THSD4: variants seen among roughly 807,000 people sequenced by gnomAD.
THSD4 encodes the protein thrombospondin type 1 domain containing 4, also known as thrombospondin type-1 domain-containing protein 4.
A neutral mutation model predicts 119.0 loss-of-function variants in THSD4; 69 were observed. That is an observed-to-expected ratio of 0.58 (90% CI 0.48 to 0.71). The LOEUF (loss-of-function observed/expected upper bound fraction) is 0.71, where lower values mean the gene tolerates loss of function less well. Among genes scored for constraint, THSD4 ranks in the 30% least tolerant of loss-of-function variants. The pLI, the probability that THSD4 is intolerant of heterozygous loss-of-function variation, is 0.00. For synonymous variants in THSD4, 524 were observed against 540.4 expected, an observed-to-expected ratio of 0.97 and a Z score of 0.42; for missense variants, 1,393 against 1,391.1, an observed-to-expected ratio of 1.00 and a Z score of -0.02.
intron 1 of THSD4, among the ~76,000 whole-genome samples, chr15:71,138,246 C>T (rs1338517866): frequency 3.3e-5 from 5 of 152,148 alleles, no homozygotes; most frequent in Non-Finnish European, 7.3e-5. Flanking sequence ...CAAGCAAGAG[C>T]AGGGAAAGCT....
chr15:71,675,638 G>T (rs892780018), intron 8 of THSD4, among the ~76,000 whole-genome samples: 1 of 152,142 alleles, frequency 6.6e-6, no homozygotes, highest in East Asian at 1.9e-4. Context: ...CTCACTAGAT[G>T]CTTGGAATCC....
chr15:71,522,241 G>A lies in THSD4; in HGVS notation c.1152+110418G>A, dbSNP rs557913553. On this transcript the variant is annotated intron_variant, in intron 7 of 17. Coordinates refer to ENST00000261862, the MANE Select transcript of THSD4 (RefSeq NM_024817.3). The stretch of plus-strand genomic sequence containing the variant: ...TTTCTTCTGTCTAAAATAAAACCCT[G>A]CTCATTATCTGTGTACTTTATTTAC... Among the ~76,000 whole-genome samples the A allele has an allele frequency of 2.5e-4, 38 of 152,108 alleles. No individual in the cohort carries two copies. In the South Asian group the frequency reaches 5.8e-3, roughly 23 times the overall value.
chr15:71,564,220 C>A (rs2049180043), intron 7 of THSD4, among the ~76,000 whole-genome samples: 1 of 152,130 alleles, frequency 6.6e-6, no homozygotes, highest in African/African-American at 2.4e-5. Context: ...ATACCAGAAA[C>A]TGAAGATTCA....
intron 3 of THSD4, among the ~76,000 whole-genome samples, chr15:71,192,370 C>T (rs1208160928): frequency 1.3e-5 from 2 of 152,136 alleles, no homozygotes; most frequent in Admixed American, 6.5e-5. Flanking sequence ...GCAGCCTCCA[C>T]CTCCCAGGTT....
chr15:71,366,948 A>G (rs1273354547), intron 6 of THSD4, among the ~76,000 whole-genome samples: 2 of 152,190 alleles, frequency 1.3e-5, no homozygotes, highest in South Asian at 2.1e-4. Flanking sequence ...GCAGAGGGAA[A>G]TGCCAGCACA....
chr15:71,773,298 A>G (rs942141984), intron 17 of THSD4, among the ~76,000 whole-genome samples: 4 of 152,176 alleles, frequency 2.6e-5, no homozygotes, highest in Admixed American at 6.5e-5. Flanking sequence ...ACTAAAGACA[A>G]TCAAAATCAC....
intron 15 of THSD4, among the ~76,000 whole-genome samples, chr15:71,763,183 C>T (rs374813372): frequency 6.6e-6 from 1 of 151,996 alleles, no homozygotes; most frequent in African/African-American, 2.4e-5. Flanking sequence ...TATTTCATGC[C>T]CTGTGTGACT....
intron 7 of THSD4, among the ~76,000 whole-genome samples, chr15:71,609,921 A>G (rs896660296): frequency 5.9e-5 from 9 of 152,120 alleles, no homozygotes; most frequent in African/African-American, 1.9e-4. Flanking sequence ...AGGGCTTCCT[A>G]TATCCCAGGC....
intron 6 of THSD4, among the ~76,000 whole-genome samples, chr15:71,386,669 T>G (rs371961376): frequency 6.6e-6 from 1 of 152,190 alleles, no homozygotes; most frequent in African/African-American, 2.4e-5. Flanking sequence ...GTTTGACAGG[T>G]GGACTCAGCT....
intron 4 of THSD4, among the ~76,000 whole-genome samples, chr15:71,220,819 G>A (rs1180339236): frequency 6.6e-6 from 1 of 152,182 alleles, no homozygotes; most frequent in African/African-American, 2.4e-5. Context: ...GTGCAGCCAA[G>A]ACCCTAGTGT....
At chr15:71,602,275 C>T (rs1023227981) in intron 7 of THSD4, among the ~76,000 whole-genome samples, 3 of 151,938 alleles carry the variant, frequency 2.0e-5, no homozygotes, top group African/African-American at 4.8e-5. Flanking sequence ...TGGTCTCGGC[C>T]AGGCGCAGTG....
At chr15:71,608,197 TG>T (rs1323637730) in intron 7 of THSD4, among the ~76,000 whole-genome samples, 45 of 131,768 alleles carry the variant, frequency 3.4e-4, no homozygotes, top group Admixed American at 3.4e-3. Flanking sequence ...TACTCCAGCC[TG>T]GGGGACAGAG....
intron 7 of THSD4, among the ~76,000 whole-genome samples, chr15:71,462,861 G>A (rs1244454713): frequency 6.6e-6 from 1 of 152,208 alleles, no homozygotes; most frequent in East Asian, 1.9e-4. Context: ...GTTGAATGTT[G>A]TCTGTTGGCA....
chr15:71,393,193 T>A (rs1356639884), intron 6 of THSD4, among the ~76,000 whole-genome samples: 1 of 150,768 alleles, frequency 6.6e-6, no homozygotes, highest in African/African-American at 2.4e-5. Flanking sequence ...TGCATTCGTT[T>A]GGTAAATAGT....
chr15:71,437,163 A>G (rs2047024003), intron 7 of THSD4, among the ~76,000 whole-genome samples: 1 of 152,182 alleles, frequency 6.6e-6, no homozygotes, highest in African/African-American at 2.4e-5. Flanking sequence ...CAGCAGCGAG[A>G]GAGAAAAGGG....
At position 71,780,939 on chromosome 15, in the gene THSD4, A is replaced by AT; in HGVS notation, c.*3566dup. 2.7e-6 allele frequency: 1 copy of AT among 366,114 alleles called. No individual in the cohort carries two copies. The highest frequency in any genetic ancestry group is 2.0e-5 in the South Asian group (1 of 49,566). The allele number at this position is 366,114 out of a possible 1,614,324, so 22.7% of individuals were successfully genotyped here. ...ATATTACCAGGACCTGTCTAAACAA[A>AT]TGTTGTGGGTTTTCTTTTCATTCGG... On this transcript the variant is annotated 3_prime_UTR_variant, in exon 18 of 18. Transcript: ENST00000261862.
At chr15:71,710,356 A>G (rs1201310085) in intron 8 of THSD4, among the ~76,000 whole-genome samples, 4 of 152,230 alleles carry the variant, frequency 2.6e-5, no homozygotes, top group Non-Finnish European at 4.4e-5. Flanking sequence ...TAGGATTTCC[A>G]CAGAAATTAT....
chr15:71,730,803 A>T, intron 9 of THSD4: 1 of 334,812 alleles, frequency 3.0e-6, no homozygotes, highest in Non-Finnish European at 5.8e-6. Context: ...ATGTTTCAAG[A>T]GCACTGAGCA....
At chr15:71,583,138 A>G (rs1470911212) in intron 7 of THSD4, among the ~76,000 whole-genome samples, 1 of 151,972 alleles carries the variant, frequency 6.6e-6, no homozygotes, top group East Asian at 1.9e-4. Flanking sequence ...TTTCTTTATG[A>G]TTTAGTCTTA....
Sources: gnomAD v4.1 joint callset for allele counts (sites outside exome capture counted in the v4.1 genomes callset) on GRCh38, gnomAD v4.1.1 for gene constraint, MANE v1.5 for transcripts, NCBI Gene and HGNC (gene_info 2026-07-23, HGNC 2026-07-21) for gene names.